The following DACH1 variants were observed in gnomAD, a reference collection of about 807,000 sequenced individuals.
DACH1 encodes dachshund homolog 1.
In DACH1, 12 loss-of-function variants were observed where a neutral mutation model predicts 54.2. The observed-to-expected ratio is 0.22, with a 90% confidence interval of 0.14 to 0.36. DACH1 has a LOEUF of 0.36. Ranked by LOEUF, DACH1 falls within the 10% of genes least tolerant of loss-of-function variation. The probability of loss-of-function intolerance (pLI) is 1.00; values close to 1 mark genes in which losing one functional copy is unlikely to be tolerated. For synonymous variants in DACH1, 386 were observed against 366.2 expected (o/e 1.05, Z -0.62); for missense variants, 805 against 929.8 (o/e 0.87, Z 1.75).
At chr13:71,575,140 G>T (rs974135146) in intron 3 of DACH1, among the ~76,000 whole-genome samples, 4 of 151,790 alleles carry the variant, frequency 2.6e-5, no homozygotes, top group African/African-American at 9.7e-5. Flanking sequence ...ATTCAGCATT[G>T]ATTTTACCTT....
At chr13:71,614,390 T>G (rs12877596) in intron 3 of DACH1, among the ~76,000 whole-genome samples, 12,443 of 152,110 alleles carry the variant, frequency 0.082, 735 homozygotes, top group Admixed American at 0.14. Context: ...CAGAAACTAT[T>G]TACAGAATCC....
At chr13:71,806,900 A>G (rs778686118) in intron 1 of DACH1, among the ~76,000 whole-genome samples, 55 of 152,166 alleles carry the variant, frequency 3.6e-4, no homozygotes, top group Non-Finnish European at 6.3e-4. Flanking sequence ...AATTTCTTTC[A>G]TCAACCGATT....
At chr13:71,795,494 T>A (rs9599884) in intron 1 of DACH1, among the ~76,000 whole-genome samples, 72,336 of 151,948 alleles carry the variant, frequency 0.48, 18,355 homozygotes, top group East Asian at 0.86. Flanking sequence ...ACTCTTTGTC[T>A]ATAATCCCAC....
At chr13:71,861,382 G>A (rs1018277983) in intron 1 of DACH1, among the ~76,000 whole-genome samples, 7 of 151,834 alleles carry the variant, frequency 4.6e-5, no homozygotes, top group African/African-American at 1.4e-4. Context: ...AAATAACCAC[G>A]ATATTGTGAG....
At chr13:71,554,470 G>A (rs1023931347) in intron 6 of DACH1, among the ~76,000 whole-genome samples, 6 of 152,132 alleles carry the variant, frequency 3.9e-5, no homozygotes, top group African/African-American at 1.2e-4. Context: ...AAACCTTGAT[G>A]TAAGTACCAT....
rs759452570 is a variant in DACH1 at position 71,516,990 on chromosome 13, A to C, written c.1571-27842T>G. Among the ~76,000 whole-genome samples, 9 of 151,796 alleles carry C rather than the reference A, an allele frequency of 5.9e-5. No homozygotes were observed. In the East Asian group the frequency reaches 1.8e-3, roughly 30 times the overall value. On this transcript the variant is annotated intron_variant, in intron 6 of 10. Transcript: ENST00000613252. ...ATTATAAATACATGAGTATACTCTC[A>C]TATACCTTAGTGAGGGGATGTTTTA...
At position 71,866,490 on chromosome 13, in the gene DACH1, C is replaced by A; in HGVS notation, c.280G>T (p.Gly94Cys). The A allele has an allele frequency of 8.1e-7, 1 of 1,242,202 alleles. No individual in the cohort carries two copies. Among genetic ancestry groups the A allele is most frequent in the Non-Finnish European group, 1.0e-6 (1 of 990,120 alleles). The allele number at this position is 1,242,202 out of a possible 1,614,324, so 76.9% of individuals were successfully genotyped here. A position where few individuals can be genotyped will look rare whatever the true frequency, so the allele number is the denominator to read the frequency against. Residue 94 changes from glycine (G) to cysteine (C), a missense_variant, in exon 1 of 11, where the codon GGC becomes TGC. By Grantham distance (159) the Gly-to-Cys change is radical. Transcript: ENST00000613252. ...GGGGSSGNGG[G>C]GGGGGGGSNC... is the part of the protein sequence containing the mutation. ...CTGCCACCGCCGCCGCCGCCACCGC[C>A]GCCTCCGTTGCCGCTGCTGCCGCCG...
At chr13:71,781,342 T>A (rs1465631826) in intron 1 of DACH1, among the ~76,000 whole-genome samples, 2 of 144,388 alleles carry the variant, frequency 1.4e-5, no homozygotes, top group African/African-American at 5.1e-5. Context: ...CAGATCTTTT[T>A]TATTTTTATT....
At chr13:71,748,953 TCTC>T (rs1884794541) in intron 1 of DACH1, among the ~76,000 whole-genome samples, 2 of 57,240 alleles carry the variant, frequency 3.5e-5, no homozygotes, top group African/African-American at 1.1e-4. Flanking sequence ...TCTTTCTTTC[TCTC>T]TTTCTTTCTC....
chr13:71,527,929 T>C (rs1882120506), intron 6 of DACH1, among the ~76,000 whole-genome samples: 1 of 152,154 alleles, frequency 6.6e-6, no homozygotes, highest in African/African-American at 2.4e-5. Flanking sequence ...TAACACTTTT[T>C]TTTTTAAAGA....
At chr13:71,506,510 C>T (rs943608083) in intron 6 of DACH1, among the ~76,000 whole-genome samples, 12 of 151,768 alleles carry the variant, frequency 7.9e-5, no homozygotes, top group Admixed American at 5.9e-4. Flanking sequence ...TATATATGTG[C>T]CACACTTTCT....
At chr13:71,681,469 G>A (rs904359489) in intron 2 of DACH1, among the ~76,000 whole-genome samples, 2 of 152,196 alleles carry the variant, frequency 1.3e-5, no homozygotes, top group African/African-American at 4.8e-5. Flanking sequence ...CTACAGCTGA[G>A]TGACCTTGAG....
At chr13:71,660,427 A>T (rs1231321825) in intron 2 of DACH1, among the ~76,000 whole-genome samples, 1 of 152,112 alleles carries the variant, frequency 6.6e-6, no homozygotes, top group Non-Finnish European at 1.5e-5. Context: ...TATGTTTGGT[A>T]ATAACTTTAG....
intron 5 of DACH1, 69 bp downstream of exon 5, chr13:71,559,751 G>T: frequency 6.3e-7 from 1 of 1,593,138 alleles, no homozygotes; most frequent in Non-Finnish European, 8.6e-7. Context: ...ATGAGGGCAT[G>T]TTGATTAGAA....
intron 3 of DACH1, among the ~76,000 whole-genome samples, chr13:71,577,465 G>T (rs1328811109): frequency 6.6e-6 from 1 of 152,186 alleles, no homozygotes; most frequent in Non-Finnish European, 1.5e-5. Context: ...TCATAAATGA[G>T]TGTGGTCCAT....
At chr13:71,788,058 A>G (rs2138084983) in intron 1 of DACH1, among the ~76,000 whole-genome samples, 1 of 152,292 alleles carries the variant, frequency 6.6e-6, no homozygotes. Flanking sequence ...TGAATATATA[A>G]ACACACTATG....
At chr13:71,640,157 T>C (rs1017277284) in intron 2 of DACH1, among the ~76,000 whole-genome samples, 11 of 151,910 alleles carry the variant, frequency 7.2e-5, no homozygotes, top group Non-Finnish European at 1.6e-4. Flanking sequence ...AAAAGAAAAG[T>C]ACAGAAGACA....
intron 1 of DACH1, among the ~76,000 whole-genome samples, chr13:71,700,726 T>G (rs1296009118): frequency 1.3e-5 from 2 of 152,158 alleles, no homozygotes; most frequent in Admixed American, 1.3e-4. Flanking sequence ...ATAGTAATAC[T>G]GTAATATGGC....
intron 6 of DACH1, among the ~76,000 whole-genome samples, chr13:71,554,069 A>G (rs1884079365): frequency 6.6e-6 from 1 of 152,084 alleles, no homozygotes; most frequent in Admixed American, 6.6e-5. Context: ...AAATGAAGTT[A>G]TCTGTTTGAT....
Sources: gnomAD v4.1 joint callset for allele counts (sites outside exome capture counted in the v4.1 genomes callset) on GRCh38, gnomAD v4.1.1 for gene constraint, MANE v1.5 for transcripts, NCBI Gene and HGNC (gene_info 2026-07-23, HGNC 2026-07-21) for gene names.